The following PRDM2 variants were observed in gnomAD, a reference collection of about 807,000 sequenced individuals.
PRDM2 encodes the protein PR/SET domain 2, also known as PR domain zinc finger protein 2.
In PRDM2, 30 loss-of-function variants were observed where a neutral mutation model predicts 130.0. The observed-to-expected ratio is 0.23, with a 90% CI of 0.17 to 0.31. The LOEUF is 0.31. PRDM2 is among the 10% of genes least tolerant of loss of function. The pLI, the probability that PRDM2 is intolerant of heterozygous loss-of-function variation, is 1.00. For synonymous variants in PRDM2, 871 were observed against 782.4 expected, an observed-to-expected ratio of 1.11 and a Z score of -1.89; for missense variants, 2,011 against 2,108.4, an observed-to-expected ratio of 0.95 and a Z score of 0.90.
chr1:13,786,370 G>C, intron 8 of PRDM2: 1 of 1,076,984 alleles, frequency 9.3e-7, no homozygotes, highest in Non-Finnish European at 1.3e-6. Flanking sequence ...TGGGTAGGAC[G>C]CTCGTTCCTA....
chr1:13,808,426 T>G lies in PRDM2; in HGVS notation c.5037-8001T>G, dbSNP rs12037464. On this transcript the variant is annotated intron_variant, in intron 8 of 9. Coordinates refer to ENST00000311066, the MANE Select transcript of PRDM2 (RefSeq NM_001393986.1). ...TTGCAGTGAGTGGAGATCGCACCAC[T>G]GCACTCCAGCCTGGGCGACAGAGTG... 1.1e-3 allele frequency among the ~76,000 whole-genome samples: 159 copies of G among 139,590 alleles called. 2 individuals are homozygous for G. In the East Asian group the frequency reaches 0.029, roughly 26 times the overall value. 91.6% of individuals were successfully genotyped at this position (139,590 alleles called of 152,430 possible). A position where few individuals can be genotyped will look rare whatever the true frequency, so the allele number is the denominator to read the frequency against.
intron 6 of PRDM2, among the ~76,000 whole-genome samples, chr1:13,752,310 T>G (rs1047202951): frequency 6.6e-6 from 1 of 152,244 alleles, no homozygotes; most frequent in Non-Finnish European, 1.5e-5. Flanking sequence ...CATTTTAAAC[T>G]GGACTTTAAT....
intron 6 of PRDM2, among the ~76,000 whole-genome samples, chr1:13,752,074 C>T (rs908231141): frequency 6.6e-6 from 1 of 151,860 alleles, no homozygotes; most frequent in African/African-American, 2.4e-5. Flanking sequence ...AAAAAAGCAG[C>T]GGCGACTCTT....
chr1:13,811,163 G>C (rs938066665), intron 8 of PRDM2, among the ~76,000 whole-genome samples: 11 of 152,012 alleles, frequency 7.2e-5, no homozygotes, highest in African/African-American at 2.7e-4. Context: ...CAGCCTGAGC[G>C]ACAGAGTGAG....
intron 2 of PRDM2, among the ~76,000 whole-genome samples, chr1:13,716,029 G>A (rs1421211156): frequency 6.6e-6 from 1 of 152,084 alleles, no homozygotes; most frequent in Non-Finnish European, 1.5e-5. Flanking sequence ...ATTCACAATA[G>A]CAAAGACTTG....
At chr1:13,709,700 G>A (rs1000080279) in intron 1 of PRDM2, among the ~76,000 whole-genome samples, 18 of 152,050 alleles carry the variant, frequency 1.2e-4, no homozygotes, top group African/African-American at 4.3e-4. Flanking sequence ...CTTGTGTCTA[G>A]TCCATGTTTT....
At chr1:13,800,606 G>A (rs1480490608) in intron 8 of PRDM2, among the ~76,000 whole-genome samples, 4 of 152,230 alleles carry the variant, frequency 2.6e-5, no homozygotes, top group Admixed American at 6.5e-5. Flanking sequence ...TGCGCTGGGA[G>A]CCCACCGGAG....
chr1:13,816,429 A>G lies in PRDM2; in HGVS notation c.5039A>G (p.Tyr1680Cys). The change falls in exon 9 of 10, where the codon TAC (tyrosine) becomes TGC (cysteine). Residue 1680 changes from tyrosine to cysteine, a missense_variant and splice_region_variant. This residue lies in a region of PRDM2 where 410 missense variants were observed against 395.9 expected (regional missense o/e 1.04). Transcript: ENST00000311066. ...GTGTTGTTCCTCTTCCTGCACAGCT[A>G]CAGCCTCCGCTTGGCGTCCCGATGC... ...SAKQELKDFS[Y>C]SLRLASRCSP... 1 of 1,614,112 alleles carries G rather than the reference A, an allele frequency of 6.2e-7. No homozygotes were observed. Among genetic ancestry groups the G allele is most frequent in the Non-Finnish European group, 8.5e-7 (1 of 1,180,018 alleles).
chr1:13,782,144 G>A lies in PRDM2; in HGVS notation c.4349G>A (p.Cys1450Tyr). 3 of 1,613,912 alleles carry A rather than the reference G, an allele frequency of 1.9e-6. No homozygotes were observed. Among genetic ancestry groups the A allele is most frequent in the South Asian group, 2.2e-5 (2 of 91,080 alleles). The part of the protein sequence containing the change: ...AKQKADLKNA[C>Y]ESSSHICPYC... ...CAGAAGGCCGACTTGAAAAATGCTT[G>A]TGAGTCATCCTCTCACATCTGCCCT... The change falls in exon 8 of 10, where the codon TGT becomes TAT. Residue 1450 changes from cysteine to tyrosine, a missense_variant. Cys to Tyr is a radical substitution (Grantham distance 194, BLOSUM62 -2). This residue lies in a region of PRDM2 where 410 missense variants were observed against 395.9 expected (regional missense o/e 1.04). Transcript: ENST00000311066.
Position 13,780,966 on chromosome 1 carries a change from ATCTTCCTCCTCCTCTTCG to A in PRDM2, c.3173_3190del (p.Ser1058_Ser1063del). The stretch of plus-strand genomic sequence containing the variant: ...CAACACTTTCTTCTTCCTCCTCTTC[ATCTTCCTCCTCCTCTTCG>A]TTTTCTTCTTCATCTTCCTCCTCTT... On this transcript the variant is annotated inframe_deletion, in exon 8 of 10. Transcript: ENST00000311066. 1 of 1,599,488 alleles carries A rather than the reference ATCTTCCTCCTCCTCTTCG, an allele frequency of 6.3e-7. No homozygotes were observed. Among genetic ancestry groups the A allele is most frequent in the Non-Finnish European group, 8.5e-7 (1 of 1,169,654 alleles).
In PRDM2 at chr1:13,799,971, T is replaced by G. The variant is rs371808396; in HGVS notation, c.5037-16456T>G. Among the ~76,000 whole-genome samples the G allele has an allele frequency of 2.6e-5, 4 of 152,368 alleles. No individual in the cohort carries two copies. In the East Asian group the frequency reaches 7.7e-4, roughly 29 times the overall value. On this transcript the variant is annotated intron_variant, in intron 8 of 9. Transcript: ENST00000311066. The stretch of plus-strand genomic sequence containing the variant: ...ACTCAGATTCCCCTTATAAGTGTCT[T>G]AGTTTCTCTCTGCACTTTTAACAAA...
In PRDM2 at chr1:13,781,945, G is replaced by A. The variant is rs115411507; in HGVS notation, c.4150G>A (p.Val1384Met). 5.0e-6 allele frequency: 8 copies of A among 1,614,160 alleles called. No individual in the cohort carries two copies. The highest frequency in any genetic ancestry group is 6.8e-6 in the Non-Finnish European group (8 of 1,180,032). ...KQTVQPKNGVVVLDNSGKNAF... is the reference protein window; with the variant it reads ...KQTVQPKNGVMVLDNSGKNAF... ...AACTGTGCAACCCAAAAATGGCGTG[G>A]TGGTTTTAGATAACTCTGGGAAAAA... Residue 1384 changes from valine to methionine, a missense_variant, in exon 8 of 10, where the codon GTG becomes ATG. Around this residue, in one of 5 missense-constraint regions of PRDM2, gnomAD observed 229 missense variants for 364.1 expected, o/e 0.63. Coordinates refer to ENST00000311066, the MANE Select transcript of PRDM2 (RefSeq NM_001393986.1). This position sits in a 1 kb window ranked among gnomAD's most constrained non-coding sequence, Gnocchi z 6.1.
intron 2 of PRDM2, among the ~76,000 whole-genome samples, chr1:13,723,199 T>G (rs893075104): frequency 5.9e-5 from 9 of 152,200 alleles, no homozygotes; most frequent in Non-Finnish European, 1.3e-4. Flanking sequence ...AGTCCCTGTG[T>G]GACATCTTCT....
chr1:13,795,699 C>A (rs1401973335), intron 8 of PRDM2, among the ~76,000 whole-genome samples: 1 of 152,244 alleles, frequency 6.6e-6, no homozygotes, highest in Non-Finnish European at 1.5e-5. Flanking sequence ...ACCAGCATGT[C>A]TGAGGTTTCG....
At chr1:13,790,532 C>G (rs556970593) in intron 8 of PRDM2, among the ~76,000 whole-genome samples, 2 of 152,276 alleles carry the variant, frequency 1.3e-5, no homozygotes, top group South Asian at 4.1e-4. Flanking sequence ...CCTTGCCCTT[C>G]TGGTGGCTTG....
Position 13,823,451 on chromosome 1 carries a change from G to A in PRDM2, c.*316G>A. 1.9e-6 allele frequency: 1 copy of A among 513,582 alleles called. No individual in the cohort carries two copies. The highest frequency in any genetic ancestry group is 3.4e-5 in the East Asian group (1 of 29,650). 31.8% of individuals were successfully genotyped at this position (513,582 alleles called of 1,614,324 possible). A position where few individuals can be genotyped will look rare whatever the true frequency, so the allele number is the denominator to read the frequency against. ...TTCTGCAGCCCAGCCTTCCTGTTGG[G>A]GTGGGGCCTCTCCTACTATGCAATT... On this transcript the variant is annotated 3_prime_UTR_variant, in exon 10 of 10. Transcript: ENST00000311066.
intron 1 of PRDM2, among the ~76,000 whole-genome samples, chr1:13,704,317 A>G (rs1299401322): frequency 7.0e-6 from 1 of 142,616 alleles, no homozygotes; most frequent in Non-Finnish European, 1.5e-5. Context: ...TATTGTATGT[A>G]GTAAATCTGG....
intron 7 of PRDM2, among the ~76,000 whole-genome samples, chr1:13,776,671 G>C (rs1181035491): frequency 4.6e-5 from 7 of 152,338 alleles, no homozygotes. Context: ...CAGATGGAAT[G>C]TTCCATTCTC....
intron 8 of PRDM2, chr1:13,787,558 A>G: frequency 1.0e-6 from 1 of 981,136 alleles, no homozygotes; most frequent in Non-Finnish European, 1.2e-6. Flanking sequence ...TAATCCTTCC[A>G]CTATCATTCC....
Sources: allele counts gnomAD v4.1 joint callset (sites outside exome capture counted in the v4.1 genomes callset), GRCh38; gene constraint gnomAD v4.1.1; regional missense constraint gnomAD v4.1.1; non-coding constraint Gnocchi (gnomAD v3.1); transcripts MANE v1.5; gene names NCBI Gene and HGNC (gene_info 2026-07-23, HGNC 2026-07-21).